GOLT1B: variants seen among roughly 807,000 people sequenced by gnomAD.
GOLT1B encodes the protein golgi transport 1B.
Under a neutral mutation model 15.4 loss-of-function variants are expected in GOLT1B, and 3 were observed. The observed-to-expected ratio is 0.19, with a 90% CI of 0.09 to 0.50. GOLT1B has a LOEUF of 0.50. GOLT1B is among the 20% of genes least tolerant of loss of function. The pLI is 0.97. For missense variants in GOLT1B, 145 were observed against 160.4 expected (o/e 0.90, Z 0.52); for synonymous variants, 65 against 56.2 (o/e 1.16, Z -0.70).
intron 3 of GOLT1B, among the ~76,000 whole-genome samples, chr12:21,509,890 T>C (rs1040222462): frequency 5.3e-5 from 8 of 152,196 alleles, no homozygotes; most frequent in Admixed American, 5.2e-4. Context: ...AAACTGAAAA[T>C]GAAGCCTGGA....
Position 21,515,698 on chromosome 12 carries a change from T to G in GOLT1B, c.408T>G (p.Asn136Lys). The G allele has an allele frequency of 7.4e-7, 1 of 1,351,598 alleles. No individual in the cohort carries two copies. The highest frequency in any genetic ancestry group is 1.1e-6 in the Non-Finnish European group (1 of 950,980). The allele number at this position is 1,351,598 out of a possible 1,614,324, so 83.7% of individuals were successfully genotyped here. A position where few individuals can be genotyped will look rare whatever the true frequency, so the allele number is the denominator to read the frequency against. Residue 136 changes from asparagine to lysine, a missense_variant, in exon 5 of 5, where the codon AAT (asparagine) becomes AAG (lysine). Physicochemically the swap from Asn to Lys is moderately conservative, Grantham distance 94. Coordinates refer to ENST00000229314, the MANE Select transcript of GOLT1B (RefSeq NM_016072.5). ...TAGATAAAGTTGGAGAAAGCAACAA[T>G]ATGGTATAACAACAAGTGAATTTGA... ...SFVDKVGESN[N>K]MV
At chr12:21,512,958 C>A (rs1311577243) in intron 4 of GOLT1B, among the ~76,000 whole-genome samples, 2 of 151,248 alleles carry the variant, frequency 1.3e-5, no homozygotes, top group African/African-American at 4.9e-5. Context: ...CCCAGCTACT[C>A]GAGAGACTGA....
At chr12:21,502,200 G>T (rs111669891) in intron 1 of GOLT1B, among the ~76,000 whole-genome samples, 188 of 152,332 alleles carry the variant, frequency 1.2e-3, no homozygotes, top group African/African-American at 4.3e-3. Context: ...GGGAGCTTTA[G>T]CCCAGAGTCT....
intron 3 of GOLT1B, among the ~76,000 whole-genome samples, chr12:21,510,075 G>C (rs1943708862): frequency 6.6e-6 from 1 of 152,166 alleles, no homozygotes; most frequent in South Asian, 2.1e-4. Context: ...TCTGATATCA[G>C]GATAAAGTAG....
At chr12:21,501,976 T>G in intron 1 of GOLT1B, 28 bp downstream of exon 1, 1 of 1,565,556 alleles carries the variant, frequency 6.4e-7, no homozygotes, top group Non-Finnish European at 8.8e-7. Context: ...GGCCCCCGCC[T>G]CGAGCCGCGC....
rs968520535 is a variant in GOLT1B, at chr12:21,516,525, A to G, written c.*818A>G. ...TTTGTTTCATAGCTTGTCTCATTGA[A>G]TAGTATTATTGAAGATACTAAATGA... On this transcript the variant is annotated 3_prime_UTR_variant, in exon 5 of 5. Transcript: ENST00000229314. The G allele has an allele frequency of 3.3e-5, 5 of 152,084 alleles. No homozygotes were observed. The highest frequency in any genetic ancestry group is 1.2e-4 in the African/African-American group (5 of 41,448). The allele number at this position is 152,084 out of a possible 1,614,324, so 9.4% of individuals were successfully genotyped here. A position where few individuals can be genotyped will look rare whatever the true frequency, so the allele number is the denominator to read the frequency against.
intron 1 of GOLT1B, chr12:21,504,682 T>A: frequency 2.2e-6 from 1 of 461,918 alleles, no homozygotes; most frequent in Middle Eastern, 3.2e-4. Context: ...TGGTTGCACA[T>A]ATGAACCATA....
rs920164140 is a variant in GOLT1B, at chr12:21,518,247, A to T, written c.*2540A>T. ...CTCATTTTTAAAAAATTAGCCTTAT[A>T]TGCAGTGTTCTATTTATCAAATGAT... On this transcript the variant is annotated 3_prime_UTR_variant, in exon 5 of 5. Transcript: ENST00000229314. 1 of 152,150 alleles carries T rather than the reference A, an allele frequency of 6.6e-6. No individual in the cohort carries two copies. The highest frequency in any genetic ancestry group is 2.4e-5 in the African/African-American group (1 of 41,460). 9.4% of individuals were successfully genotyped at this position (152,150 alleles called of 1,614,324 possible). A position where few individuals can be genotyped will look rare whatever the true frequency, so the allele number is the denominator to read the frequency against.
At chr12:21,507,068 T>C in intron 2 of GOLT1B, 92 bp downstream of exon 2, 1 of 680,216 alleles carries the variant, frequency 1.5e-6, no homozygotes, top group Non-Finnish European at 2.7e-6. Flanking sequence ...GGGAAAATAA[T>C]TCACTATTAC....
At chr12:21,506,064 A>G (rs1235598386) in intron 1 of GOLT1B, among the ~76,000 whole-genome samples, 1 of 152,038 alleles carries the variant, frequency 6.6e-6, no homozygotes, top group African/African-American at 2.4e-5. Flanking sequence ...CTGTATATTC[A>G]GTACCTGGAA....
chr12:21,511,143 C>T (rs1340428995), intron 3 of GOLT1B, among the ~76,000 whole-genome samples: 1 of 152,192 alleles, frequency 6.6e-6, no homozygotes, highest in East Asian at 1.9e-4. Flanking sequence ...TTGTTTTACC[C>T]ATGCTTCTGA....
intron 4 of GOLT1B, among the ~76,000 whole-genome samples, chr12:21,515,070 G>C (rs1943746589): frequency 6.6e-6 from 1 of 150,832 alleles, no homozygotes; most frequent in African/African-American, 2.4e-5. Flanking sequence ...AGTAATGTGT[G>C]TTAAAATTTA....
intron 3 of GOLT1B, among the ~76,000 whole-genome samples, chr12:21,511,733 C>G (rs554776455): frequency 6.6e-5 from 10 of 152,202 alleles, no homozygotes; most frequent in Non-Finnish European, 1.3e-4. Flanking sequence ...ATTTTAAGAC[C>G]CAGGAAAAGT....
rs181837509 is a variant in GOLT1B, at chr12:21,515,998, G to A, written c.*291G>A. The A allele has an allele frequency of 3.2e-4, 89 of 281,196 alleles. No homozygotes were observed. Among genetic ancestry groups the A allele is most frequent in the Middle Eastern group, 1.0e-3 (1 of 984 alleles). 17.4% of individuals were successfully genotyped at this position (281,196 alleles called of 1,614,324 possible). ...TATTTGTGTTGTTTTTCCACAATGT[G>A]CGAAACTCAGCCATCCTTAGAGAAC... On this transcript the variant is annotated 3_prime_UTR_variant, in exon 5 of 5. Coordinates refer to ENST00000229314, the MANE Select transcript of GOLT1B (RefSeq NM_016072.5).
At position 21,501,882 on chromosome 12, in the gene GOLT1B, G is replaced by A. The variant is rs1425310452; in HGVS notation, c.-42G>A. 4 of 1,501,948 alleles carry A rather than the reference G, an allele frequency of 2.7e-6. No homozygotes were observed. The highest frequency in any genetic ancestry group is 1.7e-5 in the Admixed American group (1 of 59,540). The allele number at this position is 1,501,948 out of a possible 1,614,324, so 93.0% of individuals were successfully genotyped here. A position where few individuals can be genotyped will look rare whatever the true frequency, so the allele number is the denominator to read the frequency against. On this transcript the variant is annotated 5_prime_UTR_variant, in exon 1 of 5. Coordinates refer to ENST00000229314, the MANE Select transcript of GOLT1B (RefSeq NM_016072.5). Reference sequence around the variant, plus strand: ...CTCCCGACTCAGCTTCCCACCCTGGGCTTTCCGAGGTGCTGTCGCCGCTGT... The same window carrying A: ...CTCCCGACTCAGCTTCCCACCCTGGACTTTCCGAGGTGCTGTCGCCGCTGT...
intron 1 of GOLT1B, among the ~76,000 whole-genome samples, chr12:21,502,553 G>GCCA (rs1943641202): frequency 1.3e-5 from 2 of 152,282 alleles, no homozygotes; most frequent in South Asian, 4.1e-4. Context: ...GTAGAGAAAA[G>GCCA]CCACTTTGTG....
rs1386139423 is a variant in GOLT1B, at chr12:21,518,185, T to C, written c.*2478T>C. ...TTGGTGGTCAAGTATATCTGTGTTA[T>C]GAAGTTCTAAAAGCTAATTTAGCAT... On this transcript the variant is annotated 3_prime_UTR_variant, in exon 5 of 5. Coordinates refer to ENST00000229314, the MANE Select transcript of GOLT1B (RefSeq NM_016072.5). The C allele has an allele frequency of 2.6e-5, 4 of 152,176 alleles. No individual in the cohort carries two copies. Among genetic ancestry groups the C allele is most frequent in the Admixed American group, 6.5e-5 (1 of 15,272 alleles). 9.4% of individuals were successfully genotyped at this position (152,176 alleles called of 1,614,324 possible). A position where few individuals can be genotyped will look rare whatever the true frequency, so the allele number is the denominator to read the frequency against.
chr12:21,507,538 A>G (rs946680299), intron 2 of GOLT1B, among the ~76,000 whole-genome samples: 10 of 103,236 alleles, frequency 9.7e-5, no homozygotes, highest in African/African-American at 2.9e-4. Context: ...GTATATATAT[A>G]TATACACACA....
chr12:21,514,227 G>A (rs993475553), intron 4 of GOLT1B, among the ~76,000 whole-genome samples: 1 of 152,170 alleles, frequency 6.6e-6, no homozygotes, highest in African/African-American at 2.4e-5. Flanking sequence ...GGATAAACTA[G>A]CTTTATAGGA....
Sources: allele counts gnomAD v4.1 joint callset (sites outside exome capture counted in the v4.1 genomes callset), GRCh38; gene constraint gnomAD v4.1.1; transcripts MANE v1.5; gene names NCBI Gene and HGNC (gene_info 2026-07-23, HGNC 2026-07-21).